NOTCH1: variants seen among roughly 807,000 people sequenced by gnomAD.
NOTCH1 encodes the protein neurogenic locus notch homolog protein 1.
NOTCH1 carries 37 observed loss-of-function variants against 254.8 expected under a neutral mutation model. The observed-to-expected ratio is 0.15, with a 90% CI of 0.11 to 0.19. The LOEUF (loss-of-function observed/expected upper bound fraction) is 0.19. Ranked by LOEUF, NOTCH1 falls within the 10% of genes least tolerant of loss-of-function variation. The pLI is 1.00. For missense variants in NOTCH1, 2,972 were observed against 3,708.6 expected, an observed-to-expected ratio of 0.80 and a Z score of 5.16; for synonymous variants, 1,731 against 1,618.1, an observed-to-expected ratio of 1.07 and a Z score of -1.68.
rs1433433969 is a variant in NOTCH1, at chr9:136,509,802, T to C, written c.2900A>G (p.Tyr967Cys). ...GANCTDCVDSYTCTCPAGFSG... is the reference protein window; with the variant it reads ...GANCTDCVDSCTCTCPAGFSG... ...GAAGCCTGCGGGGCAGGTGCACGTG[T>C]AGCTGTCCACGCAGTCCGTGCAGTT... Residue 967 changes from tyrosine (Y) to cysteine (C), a missense_variant, in exon 18 of 34, where the codon TAC (tyrosine) becomes TGC (cysteine). Physicochemically the swap from Tyr to Cys is radical, Grantham distance 194. Coordinates refer to ENST00000651671, the MANE Select transcript of NOTCH1 (RefSeq NM_017617.5). The C allele has an allele frequency of 1.2e-6, 2 of 1,613,122 alleles. No homozygotes were observed. Among genetic ancestry groups the C allele is most frequent in the East Asian group, 2.2e-5 (1 of 44,880 alleles).
chr9:136,528,564 AGGG>A (rs2133386136), intron 2 of NOTCH1, among the ~76,000 whole-genome samples: 1 of 147,160 alleles, frequency 6.8e-6, no homozygotes, highest in African/African-American at 2.5e-5. Context: ...TGGGACGGGC[AGGG>A]ACAGTGCGGG....
chr9:136,538,762 T>C (rs910781574), intron 2 of NOTCH1, among the ~76,000 whole-genome samples: 1 of 152,198 alleles, frequency 6.6e-6, no homozygotes, highest in African/African-American at 2.4e-5. Flanking sequence ...CTGGCACACC[T>C]GGAGGGTGGG....
At chr9:136,537,149 G>T (rs1843668778) in intron 2 of NOTCH1, among the ~76,000 whole-genome samples, 1 of 152,204 alleles carries the variant, frequency 6.6e-6, no homozygotes, top group African/African-American at 2.4e-5. Context: ...GGCCCAGAGT[G>T]AGCGCCATCT....
At position 136,504,862 on chromosome 9, in the gene NOTCH1, G is replaced by A. The variant is rs1554727837; in HGVS notation, c.4829C>T (p.Ala1610Val). 6.3e-7 allele frequency: 1 copy of A among 1,582,982 alleles called. No individual in the cohort carries two copies. The highest frequency in any genetic ancestry group is 8.6e-7 in the Non-Finnish European group (1 of 1,165,066). Reference protein sequence around the residue: ...LHTNVVFKRDAHGQQMIFPYY... With the variant: ...LHTNVVFKRDVHGQQMIFPYY... ...GGGGAAGATCATCTGCTGGCCGTGT[G>A]CGTCACGCTTGAAGACCACGTTGGT... Residue 1610 changes from alanine (A) to valine (V), a missense_variant, in exon 26 of 34, where the codon GCA (alanine) becomes GTA (valine). By Grantham distance (64) the Ala-to-Val change is moderately conservative (BLOSUM62 0). Around this residue, in one of 8 missense-constraint regions of NOTCH1, gnomAD observed 1,343 missense variants for 1,557.0 expected, o/e 0.86. Transcript: ENST00000651671.
Position 136,498,945 on chromosome 9 carries a change from A to G in NOTCH1, c.6134T>C (p.Val2045Ala), listed in dbSNP as rs752603308. 3.1e-6 allele frequency: 5 copies of G among 1,613,618 alleles called. No homozygotes were observed. The highest frequency in any genetic ancestry group is 4.2e-6 in the Non-Finnish European group (5 of 1,179,990). Residue 2045 changes from valine (V) to alanine (A), a missense_variant, in exon 33 of 34, where the codon GTT (valine) becomes GCT (alanine). By Grantham distance (64) the Val-to-Ala change is moderately conservative (BLOSUM62 0). This residue lies in a region of NOTCH1 where 421 missense variants were observed against 604.4 expected (regional missense o/e 0.70). Transcript: ENST00000651671. ...AAAVNNVDAA[V>A]VLLKNGANKD... Reference sequence around the variant, plus strand: ...GTTAGCCCCGTTCTTCAGGAGCACAACTGCGGCATCCACATTGTTCACGGC... The same window carrying G: ...GTTAGCCCCGTTCTTCAGGAGCACAGCTGCGGCATCCACATTGTTCACGGC...
rs1843294713 is a variant in NOTCH1, at chr9:136,517,475, C to T, written c.1442-90G>A. ...GGACTTGGGACAGAAACGAACCCTG[C>T]CTCCAGCCCAGTGTCCCAGCCACCA... On this transcript the variant is annotated intron_variant, in intron 8 of 33. Coordinates refer to ENST00000651671, the MANE Select transcript of NOTCH1 (RefSeq NM_017617.5). 34 of 995,484 alleles carry T rather than the reference C, an allele frequency of 3.4e-5. 2 individuals carry two copies. In the South Asian group the frequency reaches 4.5e-4, roughly 13 times the overall value. 61.7% of individuals were successfully genotyped at this position (995,484 alleles called of 1,614,324 possible).
Position 136,506,767 on chromosome 9 carries a change from A to T in NOTCH1, c.3850T>A (p.Cys1284Ser), listed in dbSNP as rs2133343356. 6.2e-7 allele frequency: 1 copy of T among 1,608,528 alleles called. No homozygotes were observed. The highest frequency in any genetic ancestry group is 8.5e-7 in the Non-Finnish European group (1 of 1,178,058). Reference sequence around the variant, plus strand: ...TGGAAGTCATTGACGCGCTGCACGCAGTTCTGGGTGCCACGGGCGTCGCAG... The same window carrying T: ...TGGAAGTCATTGACGCGCTGCACGCTGTTCTGGGTGCCACGGGCGTCGCAG... ...NPCDARGTQNCVQRVNDFHCE... is the reference protein window; with the variant it reads ...NPCDARGTQNSVQRVNDFHCE... Residue 1284 changes from cysteine to serine, a missense_variant, in exon 23 of 34, where the codon TGC becomes AGC. Cys to Ser is a moderately radical substitution (Grantham distance 112). Transcript: ENST00000651671. This position sits in a 1 kb window ranked among gnomAD's most constrained non-coding sequence, Gnocchi z 4.5.
Position 136,513,424 on chromosome 9 carries a change from C to G in NOTCH1, c.2321G>C (p.Gly774Ala), listed in dbSNP as rs1198316092. 1 of 1,613,020 alleles carries G rather than the reference C, an allele frequency of 6.2e-7. No individual in the cohort carries two copies. ...GCCCTCCCGGCAGGTGCACACGTAGCCACTGGTCATGTCTTTGCAGGTGCC... is the reference window on the plus strand; with the variant it reads ...GCCCTCCCGGCAGGTGCACACGTAGGCACTGGTCATGTCTTTGCAGGTGCC... Reference protein sequence around the residue: ...NGGTCKDMTSGYVCTCREGFS... With the variant: ...NGGTCKDMTSAYVCTCREGFS... The change falls in exon 14 of 34, where the codon GGC becomes GCC. Residue 774 changes from glycine (G) to alanine (A), a missense_variant. This residue lies in a region of NOTCH1 where 1,343 missense variants were observed against 1,557.0 expected (regional missense o/e 0.86). Transcript: ENST00000651671. This position sits in a 1 kb window ranked among gnomAD's most constrained non-coding sequence, Gnocchi z 4.7.
In NOTCH1 at chr9:136,540,134, C is replaced by T. The variant is rs1048853322; in HGVS notation, c.140+3890G>A. The stretch of plus-strand genomic sequence containing the variant: ...GATCCAGACAGCTTTACGGGGCTGC[C>T]GGGAGCTATGCCAGGCCACCACCGG... On this transcript the variant is annotated intron_variant, in intron 2 of 33. Coordinates refer to ENST00000651671, the MANE Select transcript of NOTCH1 (RefSeq NM_017617.5). The surrounding 1 kb of genome is among the most constrained non-coding windows in gnomAD (Gnocchi z 4.4). Among the ~76,000 whole-genome samples, 6 of 152,088 alleles carry T rather than the reference C, an allele frequency of 3.9e-5. No homozygotes were observed. The highest frequency in any genetic ancestry group is 3.3e-4 in the Admixed American group (5 of 15,274).
intron 2 of NOTCH1, among the ~76,000 whole-genome samples, chr9:136,527,556 C>A (rs1469284476): frequency 6.6e-6 from 1 of 152,224 alleles, no homozygotes; most frequent in Non-Finnish European, 1.5e-5. Flanking sequence ...GGAGACCCCT[C>A]TGGGGCTAAA....
Position 136,508,983 on chromosome 9 carries a change from G to T in NOTCH1, c.3058C>A (p.His1020Asn). 6.4e-7 allele frequency: 1 copy of T among 1,558,386 alleles called. No individual in the cohort carries two copies. The highest frequency in any genetic ancestry group is 8.7e-7 in the Non-Finnish European group (1 of 1,151,912). The change falls in exon 19 of 34, where the codon CAC becomes AAC. Residue 1020 changes from histidine (H) to asparagine (N), a missense_variant. His to Asn is a moderately conservative substitution (Grantham distance 68, BLOSUM62 1). Around this residue, in one of 8 missense-constraint regions of NOTCH1, gnomAD observed 1,343 missense variants for 1,557.0 expected, o/e 0.86. Transcript: ENST00000651671. Reference protein sequence around the residue: ...PPGFTGSYCQHDVNECDSQPC... With the variant: ...PPGFTGSYCQNDVNECDSQPC... ...TGTGAGTCGCACTCATTGACATCGT[G>T]CTGGCAGTAGCTGCCCGTGAAGCCG...
chr9:136,540,267 G>C lies in NOTCH1; in HGVS notation c.140+3757C>G, dbSNP rs982217851. Among the ~76,000 whole-genome samples, 2 of 152,116 alleles carry C rather than the reference G, an allele frequency of 1.3e-5. No individual in the cohort carries two copies. Among genetic ancestry groups the C allele is most frequent in the Non-Finnish European group, 1.5e-5 (1 of 68,016 alleles). On this transcript the variant is annotated intron_variant, in intron 2 of 33. Coordinates refer to ENST00000651671, the MANE Select transcript of NOTCH1 (RefSeq NM_017617.5). The surrounding 1 kb of genome is among the most constrained non-coding windows in gnomAD (Gnocchi z 4.4). ...GGGCCATGTCTGCCCTGTCCCCACC[G>C]GGGGCCTGGCCTGGAGCAGAACGCA... is the stretch of plus-strand genomic sequence containing the variant.
chr9:136,513,145 G>A lies in NOTCH1; in HGVS notation c.2354-11C>T, dbSNP rs748949395. 1 of 1,605,766 alleles carries A rather than the reference G, an allele frequency of 6.2e-7. No homozygotes were observed. The highest frequency in any genetic ancestry group is 1.3e-5 in the African/African-American group (1 of 74,836). ...TCTGGCAGTTGGGACCTGGAGGGAAGGGGACAGCACTCGGCATGTCCAGCA... is the reference window on the plus strand; with the variant it reads ...TCTGGCAGTTGGGACCTGGAGGGAAAGGGACAGCACTCGGCATGTCCAGCA... On this transcript the variant is annotated splice_polypyrimidine_tract_variant and intron_variant, in intron 14 of 33. Transcript: ENST00000651671. This position sits in a 1 kb window ranked among gnomAD's most constrained non-coding sequence, Gnocchi z 4.7.
rs750536437 is a variant in NOTCH1 at position 136,507,310 on chromosome 9, G to C, written c.3638C>G (p.Thr1213Ser). ...CTCCGTGCAGCGGCCCTTACCCTGA[G>C]TGCCCCGTGGGCAGGAGCACTTGTA... ...NTYKCSCPRG[T>S]QGVHCEINVD... Residue 1213 changes from threonine (T) to serine (S), a missense_variant, in exon 22 of 34, where the codon ACT (threonine) becomes AGT (serine). Thr to Ser is a moderately conservative substitution (Grantham distance 58, BLOSUM62 1). This residue lies in a region of NOTCH1 where 1,343 missense variants were observed against 1,557.0 expected (regional missense o/e 0.86). Transcript: ENST00000651671. 4 of 1,612,798 alleles carry C rather than the reference G, an allele frequency of 2.5e-6. No homozygotes were observed. The highest frequency in any genetic ancestry group is 3.4e-6 in the Non-Finnish European group (4 of 1,179,938).
rs371634784 is a variant in NOTCH1, at chr9:136,516,000, G to A, written c.1650C>T (p.Tyr550=). ...GAKCLDGPNT[Y]TCVCTEGYTG... ...CCGCACCTTCCGTGCACACACAGGT[G>A]TAAGTGTTGGGTCCGTCCAGGCACT... The change falls in exon 10 of 34, where the codon TAC becomes TAT. Residue 550 remains tyrosine, a synonymous_variant. Transcript: ENST00000651671. The A allele has an allele frequency of 4.5e-4, 728 of 1,611,292 alleles. 3 individuals carry two copies. The highest frequency in any genetic ancestry group is 1.3e-4 in the Non-Finnish European group (149 of 1,179,608).
Position 136,495,998 on chromosome 9 carries a change from C to G in NOTCH1, c.*73G>C. 6.6e-7 allele frequency: 1 copy of G among 1,511,752 alleles called. No individual in the cohort carries two copies. The highest frequency in any genetic ancestry group is 8.9e-7 in the Non-Finnish European group (1 of 1,119,068). 93.6% of individuals were successfully genotyped at this position (1,511,752 alleles called of 1,614,324 possible). ...TTTAAAAAGGCTCCTCTGGTCGGCCCTGGCATCCACAGAGCGCACACAGAC... is the reference window on the plus strand; with the variant it reads ...TTTAAAAAGGCTCCTCTGGTCGGCCGTGGCATCCACAGAGCGCACACAGAC... On this transcript the variant is annotated 3_prime_UTR_variant, in exon 34 of 34. Transcript: ENST00000651671.
chr9:136,543,372 G>A, intron 2 of NOTCH1: 1 of 237,886 alleles, frequency 4.2e-6, no homozygotes, highest in Non-Finnish European at 8.5e-6. Flanking sequence ...ACCCACCCAG[G>A]AGGTGGCATC....
chr9:136,515,006 G>T (rs1027468993), intron 12 of NOTCH1, among the ~76,000 whole-genome samples: 9 of 152,218 alleles, frequency 5.9e-5, no homozygotes, highest in Non-Finnish European at 8.8e-5. Context: ...AGAGGCAGAA[G>T]GTACTTAAGC....
In NOTCH1 at chr9:136,523,834, G is replaced by C. The variant is rs758960864; in HGVS notation, c.286C>G (p.Pro96Ala). ...ACSCALGFSGPLCLTPLDNAC... is the reference protein window; with the variant it reads ...ACSCALGFSGALCLTPLDNAC... ...TTGTCCAGGGGTGTCAGGCAGAGGG[G>C]CCCAGAGAAGCCCAGGGCACAGCTG... Residue 96 changes from proline (P) to alanine (A), a missense_variant, in exon 3 of 34, where the codon CCC (proline) becomes GCC (alanine). Physicochemically the swap from Pro to Ala is conservative, Grantham distance 27. Transcript: ENST00000651671. 6 of 1,611,766 alleles carry C rather than the reference G, an allele frequency of 3.7e-6. No homozygotes were observed. Among genetic ancestry groups the C allele is most frequent in the Admixed American group, 3.3e-5 (2 of 59,888 alleles).
Sources: allele counts gnomAD v4.1 joint callset (sites outside exome capture counted in the v4.1 genomes callset), GRCh38; gene constraint gnomAD v4.1.1; regional missense constraint gnomAD v4.1.1; non-coding constraint Gnocchi (gnomAD v3.1); transcripts MANE v1.5; gene names NCBI Gene and HGNC (gene_info 2026-07-23, HGNC 2026-07-21).